The following PDE8B variants were observed in gnomAD, a reference collection of about 807,000 sequenced individuals.
PDE8B encodes the protein high affinity cAMP-specific and IBMX-insensitive 3',5'-cyclic phosphodiesterase 8B.
Under a neutral mutation model 101.3 loss-of-function variants are expected in PDE8B, and 26 were observed. That is an observed-to-expected ratio of 0.26 (90% CI 0.19 to 0.36). PDE8B has a LOEUF of 0.36. Ranked by LOEUF, PDE8B falls within the 10% of genes least tolerant of loss-of-function variation. PDE8B has a pLI of 1.00. For missense variants in PDE8B, 810 were observed against 1,163.1 expected, an observed-to-expected ratio of 0.70 and a Z score of 4.42; for synonymous variants, 424 against 429.3, an observed-to-expected ratio of 0.99 and a Z score of 0.15.
the PDE8B span, among the ~76,000 whole-genome samples, chr5:77,102,661 G>A: frequency 6.6e-6 from 1 of 152,162 alleles, no homozygotes; most frequent in Non-Finnish European, 1.5e-5. Flanking sequence ...CCTTGTCTAT[G>A]ACGTGTGATC....
At chr5:77,412,612 T>C (rs2151101801) in intron 16 of PDE8B, among the ~76,000 whole-genome samples, 1 of 152,028 alleles carries the variant, frequency 6.6e-6, no homozygotes, top group South Asian at 2.1e-4. Context: ...AACTGAAAGG[T>C]CTTTTTCTAT....
At chr5:77,236,922 A>C (rs1754813411) in intron 1 of PDE8B, among the ~76,000 whole-genome samples, 1 of 152,040 alleles carries the variant, frequency 6.6e-6, no homozygotes, top group African/African-American at 2.4e-5. Flanking sequence ...TTTTGCCTTT[A>C]GTTTTGTCAG....
chr5:77,425,738 C>G (rs1797945914), intron 20 of PDE8B, 29 bp from the exon 21 acceptor site: 1 of 1,611,486 alleles, frequency 6.2e-7, no homozygotes, highest in African/African-American at 1.3e-5. Flanking sequence ...GCATGTCCTC[C>G]AGCCCTATGT....
At chr5:77,199,110 C>G in the PDE8B span, among the ~76,000 whole-genome samples, 1 of 152,170 alleles carries the variant, frequency 6.6e-6, no homozygotes. Context: ...AACAGCCACT[C>G]AAGGCTTGCT....
the PDE8B span, among the ~76,000 whole-genome samples, chr5:77,091,226 A>G: frequency 6.6e-6 from 1 of 152,248 alleles, no homozygotes. Flanking sequence ...GTTCAAGGTG[A>G]TGGGTATCCT....
chr5:77,355,862 C>T (rs532824093), intron 10 of PDE8B, among the ~76,000 whole-genome samples: 10 of 152,268 alleles, frequency 6.6e-5, no homozygotes, highest in African/African-American at 1.9e-4. Context: ...GGATTTTTAG[C>T]TATTGTGTAA....
chr5:77,288,991 TC>T (rs1766680613), intron 1 of PDE8B, among the ~76,000 whole-genome samples: 1 of 152,176 alleles, frequency 6.6e-6, no homozygotes, highest in Non-Finnish European at 1.5e-5. Context: ...CATATGAGTG[TC>T]ACCTGTTACC....
At chr5:77,220,698 A>T (rs940431906) in intron 1 of PDE8B, among the ~76,000 whole-genome samples, 2 of 152,250 alleles carry the variant, frequency 1.3e-5, no homozygotes, top group African/African-American at 4.8e-5. Context: ...TGAAAGAAAC[A>T]TAAAATTGAA....
chr5:77,125,882 G>A, the PDE8B span, among the ~76,000 whole-genome samples: 1 of 152,202 alleles, frequency 6.6e-6, no homozygotes, highest in African/African-American at 2.4e-5. Flanking sequence ...GAGATGGATG[G>A]TGGGAATGGT....
intron 6 of PDE8B, among the ~76,000 whole-genome samples, chr5:77,342,034 T>C (rs1305134285): frequency 6.6e-6 from 1 of 152,220 alleles, no homozygotes; most frequent in Non-Finnish European, 1.5e-5. Flanking sequence ...AGGAATGGCG[T>C]CTTGCAGTTG....
At chr5:77,094,838 T>C in the PDE8B span, among the ~76,000 whole-genome samples, 1 of 152,098 alleles carries the variant, frequency 6.6e-6, no homozygotes. Context: ...CAACCAGATC[T>C]GGAGGGAAGT....
At chr5:77,410,800 C>T (rs992452594) in intron 14 of PDE8B, 1 of 151,988 alleles carries the variant, frequency 6.6e-6, no homozygotes, top group African/African-American at 2.4e-5. Flanking sequence ...TAGCACACAT[C>T]GTCTGGGAAT....
chr5:77,258,276 C>T (rs557868802), intron 1 of PDE8B, among the ~76,000 whole-genome samples: 9 of 112,668 alleles, frequency 8.0e-5, no homozygotes, highest in Admixed American at 1.2e-4. Context: ...GTGACAAAAG[C>T]GAGACTCCAT....
chr5:77,140,951 T>A, the PDE8B span: 2 of 152,146 alleles, frequency 1.3e-5, no homozygotes, highest in African/African-American at 2.4e-5. Context: ...TGTGTACATA[T>A]TTGTACTCAT....
intron 1 of PDE8B, among the ~76,000 whole-genome samples, chr5:77,212,449 A>AT (rs78695199): frequency 0.17 from 25,824 of 150,216 alleles, 2,712 homozygotes; most frequent in East Asian, 0.54. Context: ...TAATGAACCT[A>AT]TTTTTTTTTT....
the PDE8B span, among the ~76,000 whole-genome samples, chr5:77,176,237 G>A: frequency 6.6e-6 from 1 of 152,082 alleles, no homozygotes; most frequent in Non-Finnish European, 1.5e-5. Flanking sequence ...ACGCAGCACC[G>A]TAGGCAAAGC....
chr5:77,346,927 T>A (rs191676620), intron 7 of PDE8B, among the ~76,000 whole-genome samples: 1 of 152,354 alleles, frequency 6.6e-6, no homozygotes, highest in East Asian at 1.9e-4. Flanking sequence ...TTACTTGATA[T>A]CAGCATCCTT....
chr5:77,372,989 T>C (rs982525133), intron 10 of PDE8B, among the ~76,000 whole-genome samples: 3 of 151,626 alleles, frequency 2.0e-5, no homozygotes, highest in Admixed American at 6.6e-5. Flanking sequence ...GATTGCACCA[T>C]TGCACTCCAG....
chr5:77,272,033 C>T (rs989997175), intron 1 of PDE8B, among the ~76,000 whole-genome samples: 9 of 152,118 alleles, frequency 5.9e-5, no homozygotes, highest in East Asian at 1.9e-4. Context: ...AACAGACCTG[C>T]GATGTTTACA....
Sources: gnomAD v4.1 joint callset for allele counts (sites outside exome capture counted in the v4.1 genomes callset) on GRCh38, gnomAD v4.1.1 for gene constraint, MANE v1.5 for transcripts, NCBI Gene and HGNC (gene_info 2026-07-23, HGNC 2026-07-21) for gene names.